Variants in CNTNAP2 observed in about 807,000 individuals in gnomAD.
CNTNAP2 encodes the protein contactin-associated protein-like 2.
CNTNAP2 carries 98 observed loss-of-function variants against 155.2 expected under a neutral mutation model. That is an observed-to-expected ratio of 0.63 (90% CI 0.54 to 0.75). The LOEUF (loss-of-function observed/expected upper bound fraction) is 0.75. CNTNAP2 is among the 30% of genes least tolerant of loss of function. The pLI, the probability that CNTNAP2 is intolerant of heterozygous loss-of-function variation, is 0.00. For synonymous variants in CNTNAP2, 651 were observed against 631.2 expected (o/e 1.03, Z -0.47); for missense variants, 1,727 against 1,688.1 (o/e 1.02, Z -0.40).
intron 13 of CNTNAP2, among the ~76,000 whole-genome samples, chr7:147,821,190 G>T (rs1039473609): frequency 1.2e-4 from 18 of 152,166 alleles, no homozygotes; most frequent in African/African-American, 4.3e-4. Flanking sequence ...TAAACAACAT[G>T]ACTATATTAA....
chr7:146,489,043 C>A (rs1797100495), intron 1 of CNTNAP2, among the ~76,000 whole-genome samples: 1 of 152,156 alleles, frequency 6.6e-6, no homozygotes, highest in South Asian at 2.1e-4. Context: ...AAGACTGAAG[C>A]CACACCTATT....
In CNTNAP2 at chr7:146,555,490, CTG is replaced by C. The variant is rs1798184032; in HGVS notation, c.98-218779_98-218778del. On this transcript the variant is annotated intron_variant, in intron 1 of 23. Coordinates refer to ENST00000361727, the MANE Select transcript of CNTNAP2 (RefSeq NM_014141.6). ...CTATATGTAATCTACTCTGTATCATCTGTCTGTCTATCTATCTATCTATCTAT... is the reference window on the plus strand; with the variant it reads ...CTATATGTAATCTACTCTGTATCATCTCTGTCTATCTATCTATCTATCTAT... Among the ~76,000 whole-genome samples, 4 of 28,526 alleles carry C rather than the reference CTG, an allele frequency of 1.4e-4. No individual in the cohort carries two copies. The South Asian group carries it at 3.0e-3, about 22-fold the overall frequency. 18.7% of individuals were successfully genotyped at this position (28,526 alleles called of 152,430 possible). A position where few individuals can be genotyped will look rare whatever the true frequency, so the allele number is the denominator to read the frequency against.
chr7:146,601,512 G>A (rs1384563620), intron 1 of CNTNAP2, among the ~76,000 whole-genome samples: 1 of 151,908 alleles, frequency 6.6e-6, no homozygotes, highest in Non-Finnish European at 1.5e-5. Context: ...AGGAAGACTC[G>A]ATACTATAAA....
At chr7:146,886,542 G>A (rs888594164) in intron 3 of CNTNAP2, among the ~76,000 whole-genome samples, 2 of 151,336 alleles carry the variant, frequency 1.3e-5, no homozygotes, top group Non-Finnish European at 3.0e-5. Context: ...GGACTGCCTG[G>A]ACTGTATGTT....
chr7:146,565,969 A>G (rs1019332940), intron 1 of CNTNAP2, among the ~76,000 whole-genome samples: 2 of 152,184 alleles, frequency 1.3e-5, no homozygotes, highest in African/African-American at 4.8e-5. Context: ...CTTACTTTTC[A>G]CTGAATCCTC....
intron 1 of CNTNAP2, among the ~76,000 whole-genome samples, chr7:146,645,025 C>G (rs1055840396): frequency 5.9e-5 from 9 of 151,734 alleles, no homozygotes; most frequent in Non-Finnish European, 1.2e-4. Context: ...AGAGACACAA[C>G]CAAAAAAGAG....
chr7:148,109,576 G>A (rs988022445), intron 15 of CNTNAP2, among the ~76,000 whole-genome samples: 6 of 152,020 alleles, frequency 3.9e-5, no homozygotes, highest in Admixed American at 3.9e-4. Flanking sequence ...TAGAGACAGG[G>A]TTTCTCCATG....
At chr7:146,217,764 C>T (rs1003536747) in intron 1 of CNTNAP2, among the ~76,000 whole-genome samples, 2 of 152,000 alleles carry the variant, frequency 1.3e-5, no homozygotes, top group Admixed American at 1.3e-4. Flanking sequence ...GAGAACTTTC[C>T]AGGGTAATTG....
chr7:147,925,398 C>A (rs907395400), intron 14 of CNTNAP2, among the ~76,000 whole-genome samples: 1 of 152,086 alleles, frequency 6.6e-6, no homozygotes, highest in African/African-American at 2.4e-5. Flanking sequence ...TACATTGACA[C>A]ATTATCATCC....
chr7:146,920,318 G>A (rs940074897), intron 3 of CNTNAP2, among the ~76,000 whole-genome samples: 1 of 151,958 alleles, frequency 6.6e-6, no homozygotes, highest in Non-Finnish European at 1.5e-5. Flanking sequence ...GGAGGTTGAG[G>A]CAGGAGAATC....
chr7:146,928,745 T>C (rs1417193618), intron 3 of CNTNAP2, among the ~76,000 whole-genome samples: 1 of 152,166 alleles, frequency 6.6e-6, no homozygotes, highest in East Asian at 1.9e-4. Context: ...ATACTGTGCT[T>C]TTCCGACAGG....
chr7:147,118,501 G>A (rs553631250), intron 5 of CNTNAP2, among the ~76,000 whole-genome samples: 11 of 152,220 alleles, frequency 7.2e-5, no homozygotes, highest in African/African-American at 1.7e-4. Flanking sequence ...TCAATCTATC[G>A]ATCTAATTAA....
chr7:147,152,577 A>T (rs1159010567), intron 8 of CNTNAP2, among the ~76,000 whole-genome samples: 2 of 152,106 alleles, frequency 1.3e-5, no homozygotes, highest in Non-Finnish European at 2.9e-5. Flanking sequence ...TAGTACGAAA[A>T]CAAAAAGGAC....
At chr7:148,244,172 A>T (rs933404409) in intron 20 of CNTNAP2, among the ~76,000 whole-genome samples, 1 of 152,178 alleles carries the variant, frequency 6.6e-6, no homozygotes, top group Non-Finnish European at 1.5e-5. Flanking sequence ...GGTAGGAGAG[A>T]TGGGGGCCAG....
chr7:148,090,994 C>T (rs1344803875), intron 15 of CNTNAP2, among the ~76,000 whole-genome samples: 1 of 152,028 alleles, frequency 6.6e-6, no homozygotes, highest in East Asian at 1.9e-4. Context: ...CCTATGATCC[C>T]ACTTACATGT....
chr7:147,908,127 G>A (rs1799999069), intron 14 of CNTNAP2, among the ~76,000 whole-genome samples: 1 of 152,104 alleles, frequency 6.6e-6, no homozygotes, highest in Non-Finnish European at 1.5e-5. Flanking sequence ...TGAAAACAGA[G>A]CGTGGCAAGT....
chr7:148,145,915 C>T lies in CNTNAP2; in HGVS notation c.2555-1576C>T, dbSNP rs1169228273. Among the ~76,000 whole-genome samples, 3 of 152,184 alleles carry T rather than the reference C, an allele frequency of 2.0e-5. No individual in the cohort carries two copies. The East Asian group carries it at 5.8e-4, about 29-fold the overall frequency. On this transcript the variant is annotated intron_variant, in intron 16 of 23. Transcript: ENST00000361727. ...CCACAGGTGTTGAAATGAAAGTTCT[C>T]TCGCTAACGACATGAAGGATCAAAA...
intron 10 of CNTNAP2, among the ~76,000 whole-genome samples, chr7:147,476,549 C>A (rs1798323689): frequency 6.6e-6 from 1 of 152,062 alleles, no homozygotes; most frequent in Admixed American, 6.6e-5. Flanking sequence ...TTCCTTCTAC[C>A]TACATCTCAC....
chr7:146,454,214 A>G (rs1180944899), intron 1 of CNTNAP2, among the ~76,000 whole-genome samples: 1 of 152,210 alleles, frequency 6.6e-6, no homozygotes, highest in East Asian at 1.9e-4. Context: ...TTTATCAAAT[A>G]AAATCATTTC....
Sources: allele counts gnomAD v4.1 joint callset (sites outside exome capture counted in the v4.1 genomes callset), GRCh38; gene constraint gnomAD v4.1.1; transcripts MANE v1.5; gene names NCBI Gene and HGNC (gene_info 2026-07-23, HGNC 2026-07-21).